Variants in SUGCT observed in about 807,000 individuals in gnomAD.
The protein encoded by SUGCT is succinyl-CoA:glutarate CoA-transferase.
In SUGCT, 41 loss-of-function variants were observed where a neutral mutation model predicts 55.0. The ratio of observed to expected loss-of-function variants is 0.74; its 90% CI spans 0.58 to 0.97. The LOEUF (loss-of-function observed/expected upper bound fraction) is 0.97. SUGCT is among the 50% of genes least tolerant of loss of function. The pLI is 0.00. For missense variants in SUGCT, 568 were observed against 547.8 expected (o/e 1.04, Z -0.37); for synonymous variants, 187 against 200.4 (o/e 0.93, Z 0.56).
At chr7:40,150,980 T>C (rs1268633329) in intron 1 of SUGCT, among the ~76,000 whole-genome samples, 1 of 152,152 alleles carries the variant, frequency 6.6e-6, no homozygotes, top group Non-Finnish European at 1.5e-5. Context: ...TTTACGACTG[T>C]AATCCCAGCA....
chr7:40,593,233 G>T (rs766340037), intron 12 of SUGCT, among the ~76,000 whole-genome samples: 1 of 152,192 alleles, frequency 6.6e-6, no homozygotes, highest in Non-Finnish European at 1.5e-5. Context: ...GAGCCCGTGG[G>T]ATTCTAGTGG....
At position 40,661,579 on chromosome 7, in the gene SUGCT, T is replaced by A. The variant is rs150533771; in HGVS notation, c.1090-87855T>A. Among the ~76,000 whole-genome samples the A allele has an allele frequency of 2.2e-3, 337 of 152,294 alleles. 1 individual carries two copies. Among genetic ancestry groups the A allele is most frequent in the African/African-American group, 7.4e-3 (307 of 41,556 alleles). On this transcript the variant is annotated intron_variant, in intron 12 of 13. Transcript: ENST00000335693. ...CACTAATTCACAAATTCACCCTAAA[T>A]TTTCCCCTCTCATTTCTTTTTCAGT...
intron 9 of SUGCT, among the ~76,000 whole-genome samples, chr7:40,397,633 A>G (rs1785810367): frequency 6.6e-6 from 1 of 152,204 alleles, no homozygotes; most frequent in Admixed American, 6.5e-5. Flanking sequence ...GGAATCTATT[A>G]TATTTAATAA....
At chr7:40,956,263 T>A in the SUGCT span, among the ~76,000 whole-genome samples, 1 of 152,170 alleles carries the variant, frequency 6.6e-6, no homozygotes, top group Non-Finnish European at 1.5e-5. Flanking sequence ...GTCTTTGGTT[T>A]TTTTTGGTTG....
chr7:40,255,677 A>G (rs1021589925), intron 7 of SUGCT, among the ~76,000 whole-genome samples: 5 of 150,774 alleles, frequency 3.3e-5, no homozygotes, highest in Admixed American at 1.3e-4. Context: ...AAAAAAAAAA[A>G]AAAAAAAAAA....
intron 12 of SUGCT, among the ~76,000 whole-genome samples, chr7:40,507,028 T>C (rs76959083): frequency 6.6e-6 from 1 of 152,176 alleles, no homozygotes; most frequent in African/African-American, 2.4e-5. Context: ...AGTTTTTTTT[T>C]CTCCTAAGTC....
At chr7:40,879,611 C>T in the SUGCT span, among the ~76,000 whole-genome samples, 1 of 152,192 alleles carries the variant, frequency 6.6e-6, no homozygotes, top group African/African-American at 2.4e-5. Flanking sequence ...GGTTACATTT[C>T]TCCAGTTTCT....
intron 9 of SUGCT, among the ~76,000 whole-genome samples, chr7:40,435,945 C>CTTTTCTTTTCTTTT (rs745704083): frequency 2.6e-5 from 3 of 114,600 alleles, no homozygotes; most frequent in Non-Finnish European, 3.6e-5. Flanking sequence ...CTTTTCTTTT[C>CTTTTCTTTTCTTTT]TTTTTTTTTT....
intron 9 of SUGCT, among the ~76,000 whole-genome samples, chr7:40,428,807 A>G (rs1256114014): frequency 6.6e-6 from 1 of 152,120 alleles, no homozygotes; most frequent in African/African-American, 2.4e-5. Flanking sequence ...TTGTTTGTCT[A>G]TATGTTTGTC....
intron 7 of SUGCT, among the ~76,000 whole-genome samples, chr7:40,249,344 T>TATATATATAAAA (rs1172651937): frequency 2.3e-5 from 3 of 128,128 alleles, no homozygotes; most frequent in African/African-American, 9.8e-5. Flanking sequence ...TATATATATA[T>TATATATATAAAA]ATAATTATAT....
intron 12 of SUGCT, among the ~76,000 whole-genome samples, chr7:40,609,079 AT>A (rs1220403774): frequency 6.6e-6 from 1 of 152,160 alleles, no homozygotes; most frequent in Non-Finnish European, 1.5e-5. Context: ...TTACATATAA[AT>A]GGGCTCCTAT....
chr7:40,252,189 C>T (rs1316256408), intron 7 of SUGCT, among the ~76,000 whole-genome samples: 3 of 152,100 alleles, frequency 2.0e-5, no homozygotes, highest in Non-Finnish European at 4.4e-5. Context: ...GATTGGAGTA[C>T]AGTGGCACAG....
chr7:40,415,387 A>G (rs1198135072), intron 9 of SUGCT, among the ~76,000 whole-genome samples: 1 of 149,406 alleles, frequency 6.7e-6, no homozygotes, highest in Non-Finnish European at 1.5e-5. Context: ...TTTATTGGAC[A>G]TTTGCATTTC....
chr7:40,600,650 A>T (rs549398718), intron 12 of SUGCT, among the ~76,000 whole-genome samples: 2 of 152,312 alleles, frequency 1.3e-5, no homozygotes, highest in East Asian at 3.9e-4. Context: ...TGAAAACCAG[A>T]GTAAACCACT....
At chr7:40,887,131 C>G in the SUGCT span, among the ~76,000 whole-genome samples, 1 of 152,092 alleles carries the variant, frequency 6.6e-6, no homozygotes, top group Non-Finnish European at 1.5e-5. Context: ...GGAAGAGTGG[C>G]ATGTAGTGAA....
At chr7:40,975,083 A>C in the SUGCT span, among the ~76,000 whole-genome samples, 1 of 152,220 alleles carries the variant, frequency 6.6e-6, no homozygotes, top group African/African-American at 2.4e-5. Context: ...ATCAGTAACA[A>C]ATAGAATCTG....
the SUGCT span, among the ~76,000 whole-genome samples, chr7:40,958,117 G>T: frequency 7.4e-4 from 113 of 152,080 alleles, no homozygotes; most frequent in Non-Finnish European, 2.9e-5. Flanking sequence ...TTCAACCTTG[G>T]TGAATCTGAC....
At chr7:40,419,771 G>A (rs1220944999) in intron 9 of SUGCT, among the ~76,000 whole-genome samples, 3 of 152,170 alleles carry the variant, frequency 2.0e-5, no homozygotes, top group Admixed American at 6.5e-5. Context: ...TCTCTGACAC[G>A]TAGCCTAACC....
intron 12 of SUGCT, among the ~76,000 whole-genome samples, chr7:40,502,249 C>A (rs1051303025): frequency 5.3e-5 from 8 of 152,020 alleles, no homozygotes; most frequent in Non-Finnish European, 7.4e-5. Flanking sequence ...ATAGTACAAT[C>A]ATTGACTTTT....
Sources: gnomAD v4.1 joint callset for allele counts (sites outside exome capture counted in the v4.1 genomes callset) on GRCh38, gnomAD v4.1.1 for gene constraint, MANE v1.5 for transcripts, NCBI Gene and HGNC (gene_info 2026-07-23, HGNC 2026-07-21) for gene names.